PLEKHA1: variants seen among roughly 807,000 people sequenced by gnomAD.
PLEKHA1 encodes pleckstrin homology domain containing A1, also known as pleckstrin homology domain-containing family A member 1.
Under a neutral mutation model 52.0 loss-of-function variants are expected in PLEKHA1, and 34 were observed. The observed-to-expected ratio is 0.65, with a 90% CI of 0.50 to 0.87. PLEKHA1 has a LOEUF of 0.87. PLEKHA1 is among the 40% of genes least tolerant of loss of function. The pLI, the probability that PLEKHA1 is intolerant of heterozygous loss-of-function variation, is 0.00. For missense variants in PLEKHA1, 497 were observed against 504.2 expected (o/e 0.99, Z 0.14); for synonymous variants, 163 against 170.7 (o/e 0.95, Z 0.35).
intron 2 of PLEKHA1, among the ~76,000 whole-genome samples, chr10:122,395,270 C>A (rs1215550919): frequency 1.3e-5 from 2 of 151,324 alleles, no homozygotes; most frequent in African/African-American, 4.8e-5. Context: ...GGACACAGTG[C>A]CAGTTTTTTT....
At chr10:122,384,627 AT>A (rs2096662974) in intron 1 of PLEKHA1, among the ~76,000 whole-genome samples, 5 of 138,566 alleles carry the variant, frequency 3.6e-5, no homozygotes, top group South Asian at 2.3e-4. Flanking sequence ...AAAAAAAAAA[AT>A]GACTTGTAGT....
At chr10:122,441,125 G>A in the PLEKHA1 span, 1 of 152,154 alleles carries the variant, frequency 6.6e-6, no homozygotes, top group Non-Finnish European at 1.5e-5. Flanking sequence ...TCTGGGATTA[G>A]GGCAGGCAAT....
intron 8 of PLEKHA1, 22 bp from the exon 9 acceptor site, chr10:122,424,171 GTTTTTT>G (rs34058512): frequency 2.8e-4 from 268 of 954,228 alleles, no homozygotes; most frequent in Middle Eastern, 7.0e-4. Context: ...TCATGTAACT[GTTTTTT>G]TTTTTTTTTT....
Position 122,429,525 on chromosome 10 carries a change from TGTGTGTTTTA to T in PLEKHA1, c.901-98_901-89del, listed in dbSNP as rs879233849. ...GTGTGTGTGTGTGTGTGTGTGTGTG[TGTGTGTTTTA>T]TTTGTTTTTCAGAGAATCAAGTCTC... On this transcript the variant is annotated intron_variant, in intron 11 of 11. Transcript: ENST00000368990. 1.3e-4 allele frequency: 122 copies of T among 904,726 alleles called. No homozygotes were observed. The South Asian group carries it at 1.9e-3, about 14-fold the overall frequency. 56.0% of individuals were successfully genotyped at this position (904,726 alleles called of 1,614,324 possible).
intron 5 of PLEKHA1, chr10:122,411,658 T>G (rs2097108178): frequency 6.6e-6 from 1 of 152,162 alleles, no homozygotes; most frequent in Non-Finnish European, 1.5e-5. Flanking sequence ...CAGGGGAATC[T>G]GAAGTTTTAA....
At chr10:122,398,102 G>A in intron 3 of PLEKHA1, 128 bp downstream of exon 3, 1 of 662,546 alleles carries the variant, frequency 1.5e-6, no homozygotes, top group African/African-American at 1.8e-5. Flanking sequence ...ATACTGAAAT[G>A]GTACCTGATT....
In PLEKHA1 at chr10:122,431,611, T is replaced by C. The variant is rs1406342284; in HGVS notation, c.*1673T>C. The C allele has an allele frequency of 6.6e-6, 1 of 152,668 alleles. No homozygotes were observed. Among genetic ancestry groups the C allele is most frequent in the Non-Finnish European group, 1.5e-5 (1 of 68,048 alleles). The allele number at this position is 152,668 out of a possible 1,614,324, so 9.5% of individuals were successfully genotyped here. On this transcript the variant is annotated 3_prime_UTR_variant, in exon 12 of 12. Transcript: ENST00000368990. ...TGTCTGAGACAGAAAAATTTCCTAC[T>C]ACAGCAGTGCAGTCCAGAGGTTAAG... is the stretch of plus-strand genomic sequence containing the variant.
In PLEKHA1 at chr10:122,415,913, T is replaced by G. The variant is rs965308782; in HGVS notation, c.523T>G (p.Ser175Ala). The G allele has an allele frequency of 5.6e-6, 9 of 1,613,356 alleles. No individual in the cohort carries two copies. Among genetic ancestry groups the G allele is most frequent in the Non-Finnish European group, 7.6e-6 (9 of 1,179,592 alleles). Residue 175 changes from serine (S) to alanine (A), a missense_variant, in exon 7 of 12, where the codon TCA becomes GCA. By Grantham distance (99) the Ser-to-Ala change is moderately conservative (BLOSUM62 1). Transcript: ENST00000368990. ...TATTGACAGAAATAATCTGAAACGG[T>G]CACAAAGCCATCTTCCTTACTTTAC... ...ESIDRNNLKR[S>A]QSHLPYFTPK...
Position 122,425,056 on chromosome 10 carries a change from T to TA in PLEKHA1, c.810+104dup, listed in dbSNP as rs2097317997. On this transcript the variant is annotated intron_variant, in intron 10 of 11. Transcript: ENST00000368990. The stretch of plus-strand genomic sequence containing the variant: ...TAAACAAGCTTGTTGCACTTGAGGT[T>TA]AAAAAAATATGACAACTGTAATTCA... 1.4e-5 allele frequency: 15 copies of TA among 1,058,898 alleles called. No homozygotes were observed. In the East Asian group the frequency reaches 2.5e-4, roughly 18 times the overall value. The allele number at this position is 1,058,898 out of a possible 1,614,324, so 65.6% of individuals were successfully genotyped here.
rs780267746 is a variant in PLEKHA1, at chr10:122,426,956, A to T, written c.825A>T (p.Glu275Asp). ...RTFYVQADSPEEMHSWIKAVS... is the reference protein window; with the variant it reads ...RTFYVQADSPDEMHSWIKAVS... ...TTTTCCTTTAGGCTGATAGCCCTGA[A>T]GAGATGCACAGTTGGATTAAAGCAG... Residue 275 changes from glutamate (E) to aspartate (D), a missense_variant, in exon 11 of 12, where the codon GAA becomes GAT. Transcript: ENST00000368990. 1 of 1,614,032 alleles carries T rather than the reference A, an allele frequency of 6.2e-7. No individual in the cohort carries two copies. Among genetic ancestry groups the T allele is most frequent in the Admixed American group, 1.7e-5 (1 of 60,020 alleles).
intron 11 of PLEKHA1, 146 bp downstream of exon 11, chr10:122,427,177 T>C: frequency 1.4e-6 from 1 of 703,860 alleles, no homozygotes; most frequent in East Asian, 2.7e-5. Context: ...CAAAAAATAA[T>C]GCATTTCTAA....
chr10:122,375,395 C>G (rs968237051), intron 1 of PLEKHA1, among the ~76,000 whole-genome samples: 2 of 152,240 alleles, frequency 1.3e-5, no homozygotes, highest in Non-Finnish European at 2.9e-5. Context: ...GGGCGGTGTC[C>G]GCGATTTACC....
chr10:122,426,953 T>C lies in PLEKHA1; in HGVS notation c.822T>C (p.Pro274=), dbSNP rs1314102752. ...SRTFYVQADS[P]EEMHSWIKAV... ...CTTTTTTCCTTTAGGCTGATAGCCC[T>C]GAAGAGATGCACAGTTGGATTAAAG... Residue 274 remains proline (P), a synonymous_variant, in exon 11 of 12, where the codon CCT becomes CCC. Coordinates refer to ENST00000368990, the MANE Select transcript of PLEKHA1 (RefSeq NM_001001974.4). The C allele has an allele frequency of 1.9e-6, 3 of 1,613,964 alleles. No homozygotes were observed. In the East Asian group the frequency reaches 6.7e-5, roughly 36 times the overall value.
At chr10:122,380,798 T>A (rs2096604467) in intron 1 of PLEKHA1, among the ~76,000 whole-genome samples, 1 of 152,110 alleles carries the variant, frequency 6.6e-6, no homozygotes, top group African/African-American at 2.4e-5. Flanking sequence ...GGGGAGGTGG[T>A]GTTTTAACGT....
intron 3 of PLEKHA1, among the ~76,000 whole-genome samples, chr10:122,399,966 T>C (rs1377641353): frequency 2.0e-5 from 3 of 152,192 alleles, no homozygotes; most frequent in African/African-American, 4.8e-5. Context: ...TTTAGAAATA[T>C]GTTATTTGGG....
chr10:122,440,354 G>C, the PLEKHA1 span: 1 of 152,136 alleles, frequency 6.6e-6, no homozygotes, highest in South Asian at 2.1e-4. Context: ...TTCTCACACA[G>C]TGCTTCTGTG....
chr10:122,380,898 G>A (rs1361438016), intron 1 of PLEKHA1, among the ~76,000 whole-genome samples: 2 of 152,086 alleles, frequency 1.3e-5, no homozygotes, highest in African/African-American at 4.8e-5. Flanking sequence ...AGCAGAGTGA[G>A]GTATTACATA....
intron 1 of PLEKHA1, 161 bp downstream of exon 1, chr10:122,374,967 T>TGCGGAGCCGGCGCCCCCTCTGC (rs1371988667): frequency 4.6e-5 from 7 of 151,438 alleles, no homozygotes; most frequent in African/African-American, 1.5e-4. Context: ...TGCTGGTGAG[T>TGCGGAGCCGGCGCCCCCTCTGC]GCGGAGCCGG....
intron 7 of PLEKHA1, among the ~76,000 whole-genome samples, chr10:122,417,339 A>G (rs1240399767): frequency 6.6e-6 from 1 of 151,868 alleles, no homozygotes; most frequent in Non-Finnish European, 1.5e-5. Context: ...AAAAAAAAAA[A>G]AAGTTTCAAC....
Sources: gnomAD v4.1 joint callset for allele counts (sites outside exome capture counted in the v4.1 genomes callset) on GRCh38, gnomAD v4.1.1 for gene constraint, MANE v1.5 for transcripts, NCBI Gene and HGNC (gene_info 2026-07-23, HGNC 2026-07-21) for gene names.